The following MYOCD variants were observed in gnomAD, a reference collection of about 807,000 sequenced individuals.
MYOCD encodes the protein myocardin.
MYOCD carries 32 observed loss-of-function variants against 96.1 expected under a neutral mutation model. That is an observed-to-expected ratio of 0.33 (90% CI 0.25 to 0.45). MYOCD has a LOEUF of 0.45. Ranked by LOEUF, MYOCD falls within the 20% of genes least tolerant of loss-of-function variation. The pLI is 1.00. For missense variants in MYOCD, 1,133 were observed against 1,200.6 expected (o/e 0.94, Z 0.83); for synonymous variants, 469 against 469.0 (o/e 1.00, Z 0.00).
chr17:12,671,111 G>A (rs1173212624), intron 1 of MYOCD, among the ~76,000 whole-genome samples: 3 of 152,010 alleles, frequency 2.0e-5, no homozygotes, highest in South Asian at 2.1e-4. Context: ...TGTCCATAAC[G>A]GCAGAAATTA....
intron 9 of MYOCD, among the ~76,000 whole-genome samples, chr17:12,748,945 G>A (rs189536138): frequency 4.2e-4 from 64 of 152,166 alleles, no homozygotes; most frequent in African/African-American, 1.4e-3. Flanking sequence ...AAATATGATA[G>A]TGTGTAGAAA....
At position 12,739,291 on chromosome 17, in the gene MYOCD, C is replaced by A. The variant is rs767451504; in HGVS notation, c.680C>A (p.Pro227His). The change falls in exon 7 of 14, where the codon CCC becomes CAC. Residue 227 changes from proline (P) to histidine (H), a missense_variant. Physicochemically the swap from Pro to His is moderately conservative, Grantham distance 77. Transcript: ENST00000425538. ...QSDAGKQGLG[P>H]PSTPIAVHAA... The stretch of plus-strand genomic sequence containing the variant: ...GATGCGGGGAAGCAGGGGCTTGGCC[C>A]CCCCAGCACCCCCATAGCCGTGCAT... The A allele has an allele frequency of 2.5e-6, 4 of 1,608,382 alleles. No individual in the cohort carries two copies. The South Asian group carries it at 3.3e-5, about 13-fold the overall frequency.
At position 12,666,166 on chromosome 17, in the gene MYOCD, C is replaced by T; in HGVS notation, c.-23C>T. On this transcript the variant is annotated 5_prime_UTR_variant, in exon 1 of 14. Coordinates refer to ENST00000425538, the MANE Select transcript of MYOCD (RefSeq NM_001146312.3). ...GAACAGGGGGCGCCTGGCCAAGGGACCAGCGGCTTGCTGAGACTCAACATG... is the reference window on the plus strand; with the variant it reads ...GAACAGGGGGCGCCTGGCCAAGGGATCAGCGGCTTGCTGAGACTCAACATG... 1 of 1,609,668 alleles carries T rather than the reference C, an allele frequency of 6.2e-7. No individual in the cohort carries two copies. The highest frequency in any genetic ancestry group is 8.5e-7 in the Non-Finnish European group (1 of 1,176,498).
intron 1 of MYOCD, among the ~76,000 whole-genome samples, chr17:12,668,033 G>A (rs901319435): frequency 6.6e-6 from 1 of 152,290 alleles, no homozygotes; most frequent in East Asian, 1.9e-4. Context: ...AAAAAAACAA[G>A]TGGAATGTAA....
At chr17:12,695,816 ACT>A (rs749034560) in intron 1 of MYOCD, among the ~76,000 whole-genome samples, 1 of 151,868 alleles carries the variant, frequency 6.6e-6, no homozygotes, top group African/African-American at 2.4e-5. Flanking sequence ...CAAAGCTGAA[ACT>A]CTGTTTGCAT....
At chr17:12,711,690 T>A (rs975310909) in intron 2 of MYOCD, among the ~76,000 whole-genome samples, 2 of 152,136 alleles carry the variant, frequency 1.3e-5, no homozygotes, top group Admixed American at 1.3e-4. Flanking sequence ...CTCTTCAGCT[T>A]CTTGAAATGC....
chr17:12,746,997 G>A (rs1289634391), intron 9 of MYOCD, among the ~76,000 whole-genome samples: 4 of 151,220 alleles, frequency 2.6e-5, no homozygotes, highest in Non-Finnish European at 5.9e-5. Flanking sequence ...CAAAGTGCTG[G>A]GATTACAGGC....
intron 10 of MYOCD, among the ~76,000 whole-genome samples, chr17:12,755,612 C>T (rs1028133472): frequency 3.3e-5 from 5 of 151,962 alleles, no homozygotes; most frequent in African/African-American, 1.2e-4. Context: ...CGCGATGGTT[C>T]ATGCCTGTAA....
At chr17:12,753,568 G>A (rs1266253080) in intron 10 of MYOCD, among the ~76,000 whole-genome samples, 1 of 152,168 alleles carries the variant, frequency 6.6e-6, no homozygotes, top group Non-Finnish European at 1.5e-5. Context: ...AGGGCGAGAT[G>A]GTAAATATTT....
In MYOCD at chr17:12,753,308, G is replaced by A. The variant is rs2032916607; in HGVS notation, c.2020G>A (p.Val674Ile). Reference protein sequence around the residue: ...SSGAQGEGHRVSSPISSQVCT... With the variant: ...SSGAQGEGHRISSPISSQVCT... Reference sequence around the variant, plus strand: ...CGGGGCCCAGGGAGAAGGGCACAGGGTCTCCTCGCCCATCAGCAGCCAGGT... The same window carrying A: ...CGGGGCCCAGGGAGAAGGGCACAGGATCTCCTCGCCCATCAGCAGCCAGGT... Residue 674 changes from valine to isoleucine, a missense_variant, in exon 10 of 14, where the codon GTC becomes ATC. Coordinates refer to ENST00000425538, the MANE Select transcript of MYOCD (RefSeq NM_001146312.3). 1 of 1,609,860 alleles carries A rather than the reference G, an allele frequency of 6.2e-7. No homozygotes were observed. The highest frequency in any genetic ancestry group is 8.5e-7 in the Non-Finnish European group (1 of 1,177,930).
At chr17:12,688,042 A>G (rs2150650910) in intron 1 of MYOCD, among the ~76,000 whole-genome samples, 1 of 152,356 alleles carries the variant, frequency 6.6e-6, no homozygotes, top group Non-Finnish European at 1.5e-5. Context: ...CATGTTGTAT[A>G]CTGGATGAAA....
chr17:12,691,478 G>A (rs1441437757), intron 1 of MYOCD, among the ~76,000 whole-genome samples: 2 of 152,102 alleles, frequency 1.3e-5, no homozygotes, highest in African/African-American at 2.4e-5. Flanking sequence ...CAGTCACCCA[G>A]CTGCCTGTTG....
At position 12,764,965 on chromosome 17, in the gene MYOCD, C is replaced by T. The variant is rs532268690; in HGVS notation, c.*1321C>T. On this transcript the variant is annotated 3_prime_UTR_variant, in exon 14 of 14. Transcript: ENST00000425538. ...GTTCTTTCTATTCTCGTTTAGTTTT[C>T]AAGAAATTATTGGTTTGTGTTGCTC... The T allele has an allele frequency of 6.6e-6, 1 of 152,226 alleles. No individual in the cohort carries two copies. The highest frequency in any genetic ancestry group is 2.1e-4 in the South Asian group (1 of 4,824). 9.4% of individuals were successfully genotyped at this position (152,226 alleles called of 1,614,324 possible). A position where few individuals can be genotyped will look rare whatever the true frequency, so the allele number is the denominator to read the frequency against.
At chr17:12,736,091 G>A (rs1693797348) in intron 5 of MYOCD, 70 bp from the exon 6 acceptor site, 6 of 1,295,204 alleles carry the variant, frequency 4.6e-6, no homozygotes, top group Admixed American at 3.9e-5. Flanking sequence ...ATGACACATC[G>A]AAGCATTTCC....
chr17:12,673,329 T>C (rs532138934), intron 1 of MYOCD, among the ~76,000 whole-genome samples: 1 of 152,336 alleles, frequency 6.6e-6, no homozygotes, highest in South Asian at 2.1e-4. Context: ...ATACATTATA[T>C]TTTTTGTCAT....
chr17:12,667,339 T>C (rs1489836326), intron 1 of MYOCD, among the ~76,000 whole-genome samples: 2 of 152,224 alleles, frequency 1.3e-5, no homozygotes, highest in African/African-American at 4.8e-5. Context: ...TCTTAGGATC[T>C]TCATTGTTGA....
chr17:12,723,601 A>G (rs2031911685), intron 5 of MYOCD, among the ~76,000 whole-genome samples: 1 of 152,230 alleles, frequency 6.6e-6, no homozygotes, highest in Non-Finnish European at 1.5e-5. Flanking sequence ...TATAAACTGT[A>G]TAACATCGTT....
chr17:12,670,388 C>A (rs998225529), intron 1 of MYOCD, among the ~76,000 whole-genome samples: 2 of 152,148 alleles, frequency 1.3e-5, no homozygotes, highest in Non-Finnish European at 2.9e-5. Flanking sequence ...CTTCAGACAA[C>A]CTAAAAGGAC....
intron 10 of MYOCD, among the ~76,000 whole-genome samples, chr17:12,754,803 C>T (rs1229310698): frequency 6.6e-6 from 1 of 152,176 alleles, no homozygotes; most frequent in Non-Finnish European, 1.5e-5. Context: ...TGAATACCTG[C>T]TAAGTGCCAA....
Sources: allele counts gnomAD v4.1 joint callset (sites outside exome capture counted in the v4.1 genomes callset), GRCh38; gene constraint gnomAD v4.1.1; transcripts MANE v1.5; gene names NCBI Gene and HGNC (gene_info 2026-07-23, HGNC 2026-07-21).